The following CA12 variants were observed in gnomAD, a reference collection of about 807,000 sequenced individuals.
The protein encoded by CA12 is carbonate dehydratase XII.
In CA12, 36 loss-of-function variants were observed where a neutral mutation model predicts 46.8. The observed-to-expected ratio is 0.77, with a 90% CI of 0.59 to 1.02. CA12 has a LOEUF of 1.02. Among genes scored for constraint, CA12 ranks in the 50% least tolerant of loss-of-function variants. The pLI is 0.00. For synonymous variants in CA12, 202 were observed against 187.0 expected (o/e 1.08, Z -0.65); for missense variants, 436 against 451.4 (o/e 0.97, Z 0.31).
rs2039538430 is a variant in CA12, at chr15:63,373,901, G to A, written c.106+1757C>T. Among the ~76,000 whole-genome samples, 2 of 152,146 alleles carry A rather than the reference G, an allele frequency of 1.3e-5. No individual in the cohort carries two copies. Among genetic ancestry groups the A allele is most frequent in the Admixed American group, 1.3e-4 (2 of 15,278 alleles). On this transcript the variant is annotated intron_variant, in intron 2 of 10. Transcript: ENST00000178638. This position sits in a 1 kb window ranked among gnomAD's most constrained non-coding sequence, Gnocchi z 4.9. Reference sequence around the variant, plus strand: ...TCCTACACACGGAACCTGCCCAAGGGGCCCTGTGGCCCAGATTCTGCGATT... The same window carrying A: ...TCCTACACACGGAACCTGCCCAAGGAGCCCTGTGGCCCAGATTCTGCGATT...
intron 2 of CA12, among the ~76,000 whole-genome samples, chr15:63,371,402 G>A (rs2039504824): frequency 6.6e-6 from 1 of 152,180 alleles, no homozygotes; most frequent in African/African-American, 2.4e-5. Flanking sequence ...CAGAGCCGAG[G>A]GCCACGAGGG....
intron 1 of CA12, among the ~76,000 whole-genome samples, chr15:63,379,518 C>T (rs2152628948): frequency 6.6e-6 from 1 of 152,338 alleles, no homozygotes; most frequent in East Asian, 1.9e-4. Context: ...GCCTCAGTGG[C>T]ATCCTGAGGG....
chr15:63,330,179 G>A lies in CA12; in HGVS notation c.875-2049C>T, dbSNP rs116741025. Among the ~76,000 whole-genome samples, 333 of 152,378 alleles carry A rather than the reference G, an allele frequency of 2.2e-3. 4 individuals carry two copies. The highest frequency in any genetic ancestry group is 7.8e-3 in the African/African-American group (323 of 41,594). ...GTAACCTGAACACAAGGACCAGCCT[G>A]TGGCTTGGGGAGGTACTGAGGACAT... On this transcript the variant is annotated intron_variant, in intron 8 of 10. Coordinates refer to ENST00000178638, the MANE Select transcript of CA12 (RefSeq NM_001218.5). This position sits in a 1 kb window ranked among gnomAD's most constrained non-coding sequence, Gnocchi z 4.0.
rs561243492 is a variant in CA12 at position 63,330,918 on chromosome 15, G to T, written c.875-2788C>A. 9.7e-4 allele frequency among the ~76,000 whole-genome samples: 147 copies of T among 152,320 alleles called. No individual in the cohort carries two copies. The highest frequency in any genetic ancestry group is 1.6e-3 in the Admixed American group (25 of 15,298). The stretch of plus-strand genomic sequence containing the variant: ...CAAACAGGCATGAAGACAAAGAAAG[G>T]CCCAGAGACTGGGACAGATACTTTT... On this transcript the variant is annotated intron_variant, in intron 8 of 10. Coordinates refer to ENST00000178638, the MANE Select transcript of CA12 (RefSeq NM_001218.5). The surrounding 1 kb of genome is among the most constrained non-coding windows in gnomAD (Gnocchi z 4.0).
In CA12 at chr15:63,325,851, C is replaced by A; in HGVS notation, c.*434G>T. ...CTCCAGAGGAAAGAAGTTGAGTTTC[C>A]CAAGCAAAACCTAAGCAGAGAGTGC... is the stretch of plus-strand genomic sequence containing the variant. On this transcript the variant is annotated 3_prime_UTR_variant, in exon 11 of 11. Coordinates refer to ENST00000178638, the MANE Select transcript of CA12 (RefSeq NM_001218.5). This position sits in a 1 kb window ranked among gnomAD's most constrained non-coding sequence, Gnocchi z 4.9. 1 of 206,716 alleles carries A rather than the reference C, an allele frequency of 4.8e-6. No homozygotes were observed. The allele number at this position is 206,716 out of a possible 1,614,324, so 12.8% of individuals were successfully genotyped here.
rs2039050228 is a variant in CA12 at position 63,339,676 on chromosome 15, G to A, written c.747+612C>T. Among the ~76,000 whole-genome samples the A allele has an allele frequency of 6.6e-6, 1 of 152,226 alleles. No homozygotes were observed. Among genetic ancestry groups the A allele is most frequent in the Non-Finnish European group, 1.5e-5 (1 of 68,044 alleles). ...GCTGGCCCCAGCCCCGTCTCCTGGG[G>A]AGCCATTTTTCTTCTCATGAATTTA... On this transcript the variant is annotated intron_variant, in intron 7 of 10. Transcript: ENST00000178638. The surrounding 1 kb of genome is among the most constrained non-coding windows in gnomAD (Gnocchi z 4.3).
chr15:63,331,103 C>A lies in CA12; in HGVS notation c.875-2973G>T, dbSNP rs1400394988. Reference sequence around the variant, plus strand: ...TTGTTGGAATGCTGTCCCTGCCAATCGAGACAGCACCAACCATCATGGAGG... The same window carrying A: ...TTGTTGGAATGCTGTCCCTGCCAATAGAGACAGCACCAACCATCATGGAGG... On this transcript the variant is annotated intron_variant, in intron 8 of 10. Transcript: ENST00000178638. This position sits in a 1 kb window ranked among gnomAD's most constrained non-coding sequence, Gnocchi z 5.3. Among the ~76,000 whole-genome samples, 1 of 152,214 alleles carries A rather than the reference C, an allele frequency of 6.6e-6. No homozygotes were observed. The highest frequency in any genetic ancestry group is 1.9e-4 in the East Asian group (1 of 5,194).
intron 2 of CA12, among the ~76,000 whole-genome samples, chr15:63,353,197 C>T (rs1166773561): frequency 2.0e-5 from 3 of 151,996 alleles, no homozygotes; most frequent in African/African-American, 4.8e-5. Context: ...AGGAATTAAA[C>T]GAGGGCTGCA....
rs1323888296 is a variant in CA12, at chr15:63,341,409, T to C, written c.525+593A>G. On this transcript the variant is annotated intron_variant, in intron 5 of 10. Transcript: ENST00000178638. This position sits in a 1 kb window ranked among gnomAD's most constrained non-coding sequence, Gnocchi z 5.2. ...AATCAGCAGAGGCCTCCCATTCTCA[T>C]AGGAGCACAAGCCCTATTGTGAACT... 1.3e-5 allele frequency among the ~76,000 whole-genome samples: 2 copies of C among 152,164 alleles called. No individual in the cohort carries two copies. The highest frequency in any genetic ancestry group is 2.9e-5 in the Non-Finnish European group (2 of 68,024).
rs2039604378 is a variant in CA12, at chr15:63,378,359, G to T, written c.86-2681C>A. ...GCTGAGATTGTGCCATTGCACTCCA[G>T]AATGGGTGACAGAGCGAGACTCTGT... On this transcript the variant is annotated intron_variant, in intron 1 of 10. Transcript: ENST00000178638. This position sits in a 1 kb window ranked among gnomAD's most constrained non-coding sequence, Gnocchi z 4.8. Among the ~76,000 whole-genome samples, 1 of 152,146 alleles carries T rather than the reference G, an allele frequency of 6.6e-6. No individual in the cohort carries two copies. Among genetic ancestry groups the T allele is most frequent in the Non-Finnish European group, 1.5e-5 (1 of 68,022 alleles).
rs951922182 is a variant in CA12 at position 63,331,053 on chromosome 15, T to C, written c.875-2923A>G. Among the ~76,000 whole-genome samples the C allele has an allele frequency of 6.6e-6, 1 of 152,146 alleles. No individual in the cohort carries two copies. The highest frequency in any genetic ancestry group is 2.1e-4 in the South Asian group (1 of 4,816). On this transcript the variant is annotated intron_variant, in intron 8 of 10. Transcript: ENST00000178638. The surrounding 1 kb of genome is among the most constrained non-coding windows in gnomAD (Gnocchi z 5.3). ...GGTGTCACCCGATAGTTCCACCACC[T>C]CAGGAAGCCCAGGGCAGGAAGGTGT... is the stretch of plus-strand genomic sequence containing the variant.
At position 63,381,652 on chromosome 15, in the gene CA12, G is replaced by T; in HGVS notation, c.69C>A (p.Ser23Arg). The T allele has an allele frequency of 2.5e-6, 4 of 1,611,598 alleles. No homozygotes were observed. Among genetic ancestry groups the T allele is most frequent in the Non-Finnish European group, 3.4e-6 (4 of 1,178,950 alleles). Reference sequence around the variant, plus strand: ...AAACTTTACCGTTCACTGGGGCCGGGCTGGAAGGCTGTTCCTTTAAGATCA... The same window carrying T: ...AAACTTTACCGTTCACTGGGGCCGGTCTGGAAGGCTGTTCCTTTAAGATCA... ...LLVILKEQPS[S>R]PAPVNGSKWT... The change falls in exon 1 of 11, where the codon AGC becomes AGA. Residue 23 changes from serine (S) to arginine (R), a missense_variant. By Grantham distance (110) the Ser-to-Arg change is moderately radical (BLOSUM62 -1). Coordinates refer to ENST00000178638, the MANE Select transcript of CA12 (RefSeq NM_001218.5).
chr15:63,336,172 C>T (rs548736183), intron 8 of CA12, among the ~76,000 whole-genome samples: 88 of 152,300 alleles, frequency 5.8e-4, no homozygotes, highest in South Asian at 2.3e-3. Flanking sequence ...TTGATCTTGA[C>T]GTCCTAAGCT....
chr15:63,339,025 C>T lies in CA12; in HGVS notation c.748-80G>A. ...CCTGGGAAGAGGCTAGCTCTCCGCTCTTGCACCTGGGAGAAGCCTCTGGAA... is the reference window on the plus strand; with the variant it reads ...CCTGGGAAGAGGCTAGCTCTCCGCTTTTGCACCTGGGAGAAGCCTCTGGAA... On this transcript the variant is annotated intron_variant, in intron 7 of 10. Transcript: ENST00000178638. The surrounding 1 kb of genome is among the most constrained non-coding windows in gnomAD (Gnocchi z 4.3). 10 of 1,569,222 alleles carry T rather than the reference C, an allele frequency of 6.4e-6. No homozygotes were observed. The highest frequency in any genetic ancestry group is 7.0e-6 in the Non-Finnish European group (8 of 1,150,012).
rs1437201417 is a variant in CA12, at chr15:63,340,970, A to G, written c.526-187T>C. ...TTAGTGTAATGGTCCTGCCTCTTGC[A>G]TCTCAGGACGTCCTGTTTTCAGCTT... On this transcript the variant is annotated intron_variant, in intron 5 of 10. Coordinates refer to ENST00000178638, the MANE Select transcript of CA12 (RefSeq NM_001218.5). This position sits in a 1 kb window ranked among gnomAD's most constrained non-coding sequence, Gnocchi z 4.4. Among the ~76,000 whole-genome samples the G allele has an allele frequency of 6.6e-6, 1 of 152,184 alleles. No individual in the cohort carries two copies. Among genetic ancestry groups the G allele is most frequent in the Non-Finnish European group, 1.5e-5 (1 of 68,036 alleles).
chr15:63,327,990 G>A lies in CA12; in HGVS notation c.907+108C>T, dbSNP rs2038889354. ...AGACCCATAGCAAGGAGAGGGCCAG[G>A]AGCCAGAGCAATAGTACAGAGAAGC... is the stretch of plus-strand genomic sequence containing the variant. On this transcript the variant is annotated intron_variant, in intron 9 of 10. Transcript: ENST00000178638. This position sits in a 1 kb window ranked among gnomAD's most constrained non-coding sequence, Gnocchi z 4.5. 17 of 1,049,080 alleles carry A rather than the reference G, an allele frequency of 1.6e-5. 1 individual carries two copies. The Middle Eastern group carries it at 2.8e-3, about 175-fold the overall frequency. 65.0% of individuals were successfully genotyped at this position (1,049,080 alleles called of 1,614,324 possible). A position where few individuals can be genotyped will look rare whatever the true frequency, so the allele number is the denominator to read the frequency against.
intron 3 of CA12, among the ~76,000 whole-genome samples, 173 bp downstream of exon 3, chr15:63,346,357 C>T (rs1442114785): frequency 1.3e-5 from 2 of 152,180 alleles, no homozygotes; most frequent in Admixed American, 6.5e-5. Flanking sequence ...CCAGAGCCTC[C>T]AGCATCCCCT....
At position 63,348,518 on chromosome 15, in the gene CA12, C is replaced by G. The variant is rs1595782974; in HGVS notation, c.107-1809G>C. ...GAGACACAGCACAGGGTAAGACTCC[C>G]TAAGTGAGGCTGCCAGCCTTTTCTG... On this transcript the variant is annotated intron_variant, in intron 2 of 10. Transcript: ENST00000178638. This position sits in a 1 kb window ranked among gnomAD's most constrained non-coding sequence, Gnocchi z 4.6. Among the ~76,000 whole-genome samples, 1 of 152,322 alleles carries G rather than the reference C, an allele frequency of 6.6e-6. No individual in the cohort carries two copies. Among genetic ancestry groups the G allele is most frequent in the East Asian group, 1.9e-4 (1 of 5,182 alleles).
In CA12 at chr15:63,375,821, T is replaced by C. The variant is rs1167353859; in HGVS notation, c.86-143A>G. The C allele has an allele frequency of 1.8e-5, 12 of 674,538 alleles. No homozygotes were observed. In the Admixed American group the frequency reaches 2.2e-4, roughly 12 times the overall value. The allele number at this position is 674,538 out of a possible 1,614,324, so 41.8% of individuals were successfully genotyped here. A position where few individuals can be genotyped will look rare whatever the true frequency, so the allele number is the denominator to read the frequency against. On this transcript the variant is annotated intron_variant, in intron 1 of 10. Transcript: ENST00000178638. ...AAACTTTTTCTTTTTCTTTTTTTTTTTTTTCAAGGTGGAGTATTGCTCTTG... is the reference window on the plus strand; with the variant it reads ...AAACTTTTTCTTTTTCTTTTTTTTTCTTTTCAAGGTGGAGTATTGCTCTTG...
Sources: gnomAD v4.1 joint callset for allele counts (sites outside exome capture counted in the v4.1 genomes callset) on GRCh38, gnomAD v4.1.1 for gene constraint, Gnocchi (gnomAD v3.1) non-coding constraint, MANE v1.5 for transcripts, NCBI Gene and HGNC (gene_info 2026-07-23, HGNC 2026-07-21) for gene names.